The following LGALS9 variants were observed in gnomAD, a reference collection of about 807,000 sequenced individuals.
LGALS9 encodes galectin 9.
Under a neutral mutation model 35.9 loss-of-function variants are expected in LGALS9, and 26 were observed. The ratio of observed to expected loss-of-function variants is 0.72; its 90% CI spans 0.53 to 1.01. LGALS9 has a LOEUF of 1.01. Among genes scored for constraint, LGALS9 ranks in the 50% least tolerant of loss-of-function variants. The pLI is 0.00. For synonymous variants in LGALS9, 149 were observed against 172.2 expected (o/e 0.87, Z 1.06); for missense variants, 347 against 445.8 (o/e 0.78, Z 1.99).
At chr17:27,638,773 CTT>C (rs1856282789) in intron 2 of LGALS9, 1 of 300,968 alleles carries the variant, frequency 3.3e-6, no homozygotes, top group African/African-American at 2.2e-5. Flanking sequence ...AATTTGGTCT[CTT>C]TTGGTTTCAA....
intron 7 of LGALS9, 26 bp from the exon 8 acceptor site, chr17:27,646,521 T>C (rs1904955852): frequency 6.2e-7 from 1 of 1,611,884 alleles, no homozygotes. Context: ...GCTCTCCCAT[T>C]GAATTTCCTG....
intron 4 of LGALS9, 40 bp from the exon 5 acceptor site, chr17:27,643,485 A>T (rs1904676272): frequency 6.2e-7 from 1 of 1,609,800 alleles, no homozygotes; most frequent in South Asian, 1.1e-5. Context: ...TGGCTCTATT[A>T]ATGCTTCTCC....
intron 4 of LGALS9, among the ~76,000 whole-genome samples, chr17:27,642,723 G>A (rs1238051618): frequency 6.6e-6 from 1 of 152,090 alleles, no homozygotes. Context: ...TCTTAGACAA[G>A]CAACTTCACC....
At chr17:27,643,680 G>A (rs1031684384) in intron 5 of LGALS9, 60 bp downstream of exon 5, 4 of 1,524,494 alleles carry the variant, frequency 2.6e-6, no homozygotes, top group Non-Finnish European at 3.5e-6. Context: ...CCGAGGGTCT[G>A]AGAGGCTGGC....
At chr17:27,640,208 A>G (rs1466397406) in intron 2 of LGALS9, among the ~76,000 whole-genome samples, 1 of 152,196 alleles carries the variant, frequency 6.6e-6, no homozygotes. Context: ...CTGGCCTCCA[A>G]CAAGTGTCCA....
At position 27,645,880 on chromosome 17, in the gene LGALS9, C is replaced by G. The variant is rs2151297303; in HGVS notation, c.596C>G (p.Thr199Arg). The G allele has an allele frequency of 6.2e-7, 1 of 1,602,556 alleles. No homozygotes were observed. The highest frequency in any genetic ancestry group is 1.1e-5 in the South Asian group (1 of 90,250). Residue 199 changes from threonine (T) to arginine (R), a missense_variant, in exon 7 of 11, where the codon ACA becomes AGA. Transcript: ENST00000395473. ...TTCCAGACCCAGACAGTCATCCACA[C>G]AGTGCAGAGCGCCCCTGGACAGATG... ...PAPITQTVIHTVQSAPGQMFS... is the reference protein window; with the variant it reads ...PAPITQTVIHRVQSAPGQMFS...
chr17:27,645,320 G>C lies in LGALS9; in HGVS notation c.547G>C (p.Gly183Arg). Residue 183 changes from glycine (G) to arginine (R), a missense_variant, in exon 6 of 11, where the codon GGC becomes CGC. Physicochemically the swap from Gly to Arg is moderately radical, Grantham distance 125 (BLOSUM62 -2). Coordinates refer to ENST00000395473, the MANE Select transcript of LGALS9 (RefSeq NM_009587.3). ...ACTCTCCTCACCCCTCCAGCCTCCC[G>C]GCGTGTGGCCTGCCAACCCGGCTCC... ...RPRGRRQKPP[G>R]VWPANPAPIT... The C allele has an allele frequency of 6.2e-7, 1 of 1,613,754 alleles. No individual in the cohort carries two copies. The highest frequency in any genetic ancestry group is 8.5e-7 in the Non-Finnish European group (1 of 1,179,814).
intron 2 of LGALS9, among the ~76,000 whole-genome samples, chr17:27,640,021 C>T (rs1357727229): frequency 6.6e-6 from 1 of 150,490 alleles, no homozygotes; most frequent in African/African-American, 2.4e-5. Flanking sequence ...CAGGCGTGAG[C>T]CATCATGCCC....
chr17:27,633,715 T>C (rs1168648418), intron 1 of LGALS9, among the ~76,000 whole-genome samples: 1 of 152,260 alleles, frequency 6.6e-6, no homozygotes, highest in Non-Finnish European at 1.5e-5. Context: ...TGCAAAGAGC[T>C]GCACTGTCAT....
At chr17:27,637,478 C>T (rs969215525) in intron 1 of LGALS9, among the ~76,000 whole-genome samples, 8 of 152,224 alleles carry the variant, frequency 5.3e-5, no homozygotes, top group African/African-American at 9.6e-5. Flanking sequence ...CATGGCCCAT[C>T]ACTCCTTTAA....
chr17:27,647,137 T>C lies in LGALS9; in HGVS notation c.758+19T>C. On this transcript the variant is annotated intron_variant, in intron 9 of 10. Coordinates refer to ENST00000395473, the MANE Select transcript of LGALS9 (RefSeq NM_009587.3). ...CTCAGAGGTAAGCCAAGGGCTCCAGTGACCTCTGGGAAGAGAGAGCCCTTC... is the reference window on the plus strand; with the variant it reads ...CTCAGAGGTAAGCCAAGGGCTCCAGCGACCTCTGGGAAGAGAGAGCCCTTC... 6.2e-7 allele frequency: 1 copy of C among 1,614,172 alleles called. No individual in the cohort carries two copies. Among genetic ancestry groups the C allele is most frequent in the Non-Finnish European group, 8.5e-7 (1 of 1,180,020 alleles).
At chr17:27,631,479 C>G (rs1343588957) in intron 1 of LGALS9, among the ~76,000 whole-genome samples, 175 bp downstream of exon 1, 2 of 152,226 alleles carry the variant, frequency 1.3e-5, no homozygotes, top group Non-Finnish European at 2.9e-5. Context: ...CCGTGCTGAG[C>G]TCACTCATGC....
Position 27,647,574 on chromosome 17 carries a change from A to AATT in LGALS9, c.921+156_921+158dup, listed in dbSNP as rs61484244. 1,122 of 1,066,178 alleles carry AATT rather than the reference A, an allele frequency of 1.1e-3. 1 individual carries two copies. The highest frequency in any genetic ancestry group is 2.4e-3 in the South Asian group (139 of 58,198). The allele number at this position is 1,066,178 out of a possible 1,614,324, so 66.0% of individuals were successfully genotyped here. A position where few individuals can be genotyped will look rare whatever the true frequency, so the allele number is the denominator to read the frequency against. On this transcript the variant is annotated intron_variant, in intron 10 of 10. Coordinates refer to ENST00000395473, the MANE Select transcript of LGALS9 (RefSeq NM_009587.3). Reference sequence around the variant, plus strand: ...CCAAAAGAAGAGAAGGTGGCCAACAAATTATTATTATTATTACTGTCCCGC... The same window carrying AATT: ...CCAAAAGAAGAGAAGGTGGCCAACAAATTATTATTATTATTATTACTGTCCCGC...
intron 1 of LGALS9, among the ~76,000 whole-genome samples, chr17:27,636,846 C>T (rs999116310): frequency 2.0e-5 from 3 of 151,948 alleles, no homozygotes; most frequent in Non-Finnish European, 4.4e-5. Flanking sequence ...AAAAAAAATC[C>T]GGACTTCTGT....
At position 27,646,425 on chromosome 17, in the gene LGALS9, G is replaced by C. The variant is rs1904946302; in HGVS notation, c.628-122G>C. ...AGGGAGGTAGACGGGCGAGTCCAAG[G>C]GCCAAAGGCTCACGAGGTCAGCCTC... On this transcript the variant is annotated intron_variant, in intron 7 of 10. Transcript: ENST00000395473. 5 of 1,490,456 alleles carry C rather than the reference G, an allele frequency of 3.4e-6. No individual in the cohort carries two copies. In the South Asian group the frequency reaches 5.7e-5, roughly 17 times the overall value. The allele number at this position is 1,490,456 out of a possible 1,614,324, so 92.3% of individuals were successfully genotyped here.
chr17:27,638,711 C>G (rs931633293), intron 2 of LGALS9: 4 of 347,006 alleles, frequency 1.2e-5, no homozygotes, highest in African/African-American at 8.4e-5. Flanking sequence ...CTCATCCACT[C>G]TGAAGCTCTC....
At chr17:27,636,307 A>G (rs1415424400) in intron 1 of LGALS9, among the ~76,000 whole-genome samples, 1 of 152,220 alleles carries the variant, frequency 6.6e-6, no homozygotes, top group Non-Finnish European at 1.5e-5. Context: ...TGTACCATCA[A>G]CAACACACAC....
chr17:27,644,240 G>A (rs1288472492), intron 5 of LGALS9: 1 of 154,242 alleles, frequency 6.5e-6, no homozygotes, highest in Non-Finnish European at 1.4e-5. Context: ...CTCTGCCTAA[G>A]TGCCGCTCCT....
At chr17:27,646,188 TG>T (rs1904927544) in intron 7 of LGALS9, among the ~76,000 whole-genome samples, 1 of 152,180 alleles carries the variant, frequency 6.6e-6, no homozygotes, top group Non-Finnish European at 1.5e-5. Flanking sequence ...GGGAGTACAG[TG>T]GCCCCAGCAC....
Sources: allele counts gnomAD v4.1 joint callset (sites outside exome capture counted in the v4.1 genomes callset), GRCh38; gene constraint gnomAD v4.1.1; transcripts MANE v1.5; gene names NCBI Gene and HGNC (gene_info 2026-07-23, HGNC 2026-07-21).